GLB1: variants seen among roughly 807,000 people sequenced by gnomAD.
GLB1 encodes the protein galactosidase beta 1.
A neutral mutation model predicts 74.0 loss-of-function variants in GLB1; 56 were observed. The ratio of observed to expected loss-of-function variants is 0.76; its 90% confidence interval spans 0.61 to 0.94. GLB1 has a LOEUF of 0.94. Among genes scored for constraint, GLB1 ranks in the 40% least tolerant of loss-of-function variants. The pLI is 0.00. For missense variants in GLB1, 787 were observed against 845.5 expected (o/e 0.93, Z 0.86); for synonymous variants, 323 against 323.6 (o/e 1.00, Z 0.02).
At chr3:33,047,681 A>G (rs1247295461) in intron 9 of GLB1, among the ~76,000 whole-genome samples, 1 of 152,230 alleles carries the variant, frequency 6.6e-6, no homozygotes, top group Non-Finnish European at 1.5e-5. Context: ...CAGCTCACCA[A>G]TGATGGAGCC....
In GLB1 at chr3:33,016,735, A is replaced by C; in HGVS notation, c.1453T>G (p.Tyr485Asp). 2.5e-6 allele frequency: 4 copies of C among 1,614,118 alleles called. No individual in the cohort carries two copies. The highest frequency in any genetic ancestry group is 3.4e-6 in the Non-Finnish European group (4 of 1,179,976). ...LLVENMGRVN[Y>D]GAYINDFKGL... ...TTAAAATCGTTGATATATGCACCAT[A>C]GTTCACACGTCCCATGTTCTCTACC... The change falls in exon 14 of 16, where the codon TAT becomes GAT. Residue 485 changes from tyrosine (Y) to aspartate (D), a missense_variant. Tyr to Asp is a radical substitution (Grantham distance 160, BLOSUM62 -3). Coordinates refer to ENST00000307363, the MANE Select transcript of GLB1 (RefSeq NM_000404.4).
At chr3:33,043,914 A>C (rs1358489325) in intron 10 of GLB1, among the ~76,000 whole-genome samples, 2 of 131,014 alleles carry the variant, frequency 1.5e-5, no homozygotes, top group Non-Finnish European at 3.4e-5. Context: ...TAATCCCTTT[A>C]CTATTAAGTA....
chr3:33,029,064 AC>A (rs1433256990), intron 10 of GLB1, among the ~76,000 whole-genome samples: 1 of 152,192 alleles, frequency 6.6e-6, no homozygotes, highest in Non-Finnish European at 1.5e-5. Context: ...CCCATTTACT[AC>A]AATTTTCTAA....
intron 1 of GLB1, chr3:33,092,599 C>T (rs891576155): frequency 9.8e-6 from 13 of 1,332,418 alleles, no homozygotes; most frequent in Non-Finnish European, 1.1e-5. Flanking sequence ...TATATGTGAC[C>T]TTAGTGATCT....
chr3:33,097,072 A>C lies in GLB1; in HGVS notation c.14T>G (p.Leu5Arg). 6.2e-7 allele frequency: 1 copy of C among 1,612,610 alleles called. No individual in the cohort carries two copies. Among genetic ancestry groups the C allele is most frequent in the Non-Finnish European group, 8.5e-7 (1 of 1,179,094 alleles). The change falls in exon 1 of 16, where the codon CTG (leucine) becomes CGG (arginine). Residue 5 changes from leucine to arginine, a missense_variant. Transcript: ENST00000307363. Reference protein sequence around the residue: MPGFLVRILPLLLVL... With the variant: MPGFRVRILPLLLVL... ...CAGCAACAGAGGGAGGATGCGAACCAGGAACCCCGGCATGACCACCAGCCT... is the reference window on the plus strand; with the variant it reads ...CAGCAACAGAGGGAGGATGCGAACCCGGAACCCCGGCATGACCACCAGCCT...
intron 15 of GLB1, among the ~76,000 whole-genome samples, chr3:33,006,933 C>T (rs963123064): frequency 7.2e-5 from 11 of 152,130 alleles, no homozygotes; most frequent in Admixed American, 2.6e-4. Flanking sequence ...AACCCCACAC[C>T]GCAACTGCCA....
chr3:33,026,706 A>T (rs1697776274), intron 10 of GLB1, among the ~76,000 whole-genome samples: 1 of 152,074 alleles, frequency 6.6e-6, no homozygotes, highest in African/African-American at 2.4e-5. Context: ...AGATGGAGAG[A>T]CAAGGGGAGA....
chr3:32,968,653 T>C, the GLB1 span, among the ~76,000 whole-genome samples: 34,527 of 152,028 alleles, frequency 0.23, 5,696 homozygotes, highest in African/African-American at 0.47. Context: ...AGCCATTACA[T>C]GAAGTCACAA....
At chr3:33,077,441 G>T in intron 1 of GLB1, 2 of 864,592 alleles carry the variant, frequency 2.3e-6, no homozygotes, top group Non-Finnish European at 3.7e-6. Flanking sequence ...GGAAATGGAG[G>T]ATGAAGATAC....
At chr3:32,971,201 A>G in the GLB1 span, among the ~76,000 whole-genome samples, 1 of 152,254 alleles carries the variant, frequency 6.6e-6, no homozygotes, top group African/African-American at 2.4e-5. Context: ...AGGACATGCA[A>G]TCCTTTAGAT....
downstream of GLB1, among the ~76,000 whole-genome samples, chr3:32,994,169 A>T (rs565000768): frequency 2.0e-5 from 3 of 152,290 alleles, no homozygotes; most frequent in South Asian, 6.2e-4. Flanking sequence ...ACTGGAAACC[A>T]TTCAAGTACC....
chr3:33,008,578 G>C (rs1235579730), intron 15 of GLB1, among the ~76,000 whole-genome samples: 1 of 152,170 alleles, frequency 6.6e-6, no homozygotes, highest in Admixed American at 6.5e-5. Flanking sequence ...AGGTTGAAAA[G>C]GCCAGTGGGG....
chr3:33,089,853 T>TAACA (rs1407404950), intron 1 of GLB1, among the ~76,000 whole-genome samples: 3 of 152,168 alleles, frequency 2.0e-5, no homozygotes, highest in African/African-American at 7.2e-5. Flanking sequence ...TGAATATACC[T>TAACA]AACACTGTTG....
At chr3:33,063,962 C>T (rs1358543654) in intron 5 of GLB1, among the ~76,000 whole-genome samples, 1 of 152,082 alleles carries the variant, frequency 6.6e-6, no homozygotes, top group African/African-American at 2.4e-5. Context: ...TGTCCACCGA[C>T]ACCTGAAAGG....
At position 33,093,722 on chromosome 3, in the gene GLB1, C is replaced by T. The variant is rs771096391; in HGVS notation, c.75+3289G>A. ...CAGGCCTGAGCACGAGCTTCCTTGT[C>T]TTCTCAAGGCTGCCCACGACCCTAC... On this transcript the variant is annotated intron_variant, in intron 1 of 15. Transcript: ENST00000307363. The surrounding 1 kb of genome is among the most constrained non-coding windows in gnomAD (Gnocchi z 6.0). 1.9e-6 allele frequency: 3 copies of T among 1,614,068 alleles called. No homozygotes were observed. The South Asian group carries it at 3.3e-5, about 18-fold the overall frequency.
rs201038052 is a variant in GLB1, at chr3:33,009,122, A to AAAATAAATAAATAAATAAATAAAT, written c.1734+4910_1734+4933dup. 4.7e-3 allele frequency among the ~76,000 whole-genome samples: 647 copies of AAAATAAATAAATAAATAAATAAAT among 137,490 alleles called. 1 individual carries two copies. The highest frequency in any genetic ancestry group is 7.6e-3 in the Non-Finnish European group (478 of 63,296). 90.2% of individuals were successfully genotyped at this position (137,490 alleles called of 152,430 possible). A position where few individuals can be genotyped will look rare whatever the true frequency, so the allele number is the denominator to read the frequency against. On this transcript the variant is annotated intron_variant, in intron 15 of 15. Transcript: ENST00000307363. ...CAACAAGAATGAAACTCCATCTTAAAAAATAAATAAATAAATAAATAAATA... is the reference window on the plus strand; with the variant it reads ...CAACAAGAATGAAACTCCATCTTAAAAAATAAATAAATAAATAAATAAATAAATAAATAAATAAATAAATAAATA...
intron 10 of GLB1, among the ~76,000 whole-genome samples, chr3:33,025,606 G>A (rs1697709294): frequency 1.3e-5 from 2 of 151,310 alleles, no homozygotes; most frequent in South Asian, 4.2e-4. Flanking sequence ...TGGCTGTGGC[G>A]GAAGGAGGTC....
At chr3:32,990,777 T>C in the GLB1 span, among the ~76,000 whole-genome samples, 7,362 of 152,050 alleles carry the variant, frequency 0.048, 212 homozygotes, top group Non-Finnish European at 0.062. Context: ...ATCGAGACCA[T>C]CCTGGCTAAC....
In GLB1 at chr3:33,072,711, A is replaced by G. The variant is rs2125553988; in HGVS notation, c.78T>C (p.Asn26=). ...CAATTTCAAACATCCTCTGGGTGGCATTCTACAGAGCAAGGATGGGGTCAC... is the reference window on the plus strand; with the variant it reads ...CAATTTCAAACATCCTCTGGGTGGCGTTCTACAGAGCAAGGATGGGGTCAC... ...LLLGPTRGLR[N]ATQRMFEIDY... Residue 26 remains asparagine (N), a splice_region_variant and synonymous_variant, in exon 2 of 16, where the codon AAT becomes AAC. Coordinates refer to ENST00000307363, the MANE Select transcript of GLB1 (RefSeq NM_000404.4). 6.2e-7 allele frequency: 1 copy of G among 1,614,168 alleles called. No homozygotes were observed. Among genetic ancestry groups the G allele is most frequent in the East Asian group, 2.2e-5 (1 of 44,886 alleles).
Sources: gnomAD v4.1 joint callset for allele counts (sites outside exome capture counted in the v4.1 genomes callset) on GRCh38, gnomAD v4.1.1 for gene constraint, Gnocchi (gnomAD v3.1) non-coding constraint, MANE v1.5 for transcripts, NCBI Gene and HGNC (gene_info 2026-07-23, HGNC 2026-07-21) for gene names.